Variants in TMEM200A observed in about 807,000 individuals in gnomAD.
TMEM200A encodes the protein transmembrane protein 200A, also known as two transmembrane C.
TMEM200A carries 12 observed loss-of-function variants against 24.3 expected under a neutral mutation model. The ratio of observed to expected loss-of-function variants is 0.49; its 90% CI spans 0.32 to 0.80. TMEM200A has a LOEUF of 0.80. Among genes scored for constraint, TMEM200A ranks in the 30% least tolerant of loss-of-function variants. The probability of loss-of-function intolerance (pLI) is 0.04; values close to 1 mark genes in which losing one functional copy is unlikely to be tolerated. For missense variants in TMEM200A, 545 were observed against 614.4 expected (o/e 0.89, Z 1.19); for synonymous variants, 224 against 224.4 (o/e 1.00, Z 0.02).
intron 2 of TMEM200A, among the ~76,000 whole-genome samples, chr6:130,393,308 A>G (rs1240315032): frequency 6.6e-6 from 1 of 152,220 alleles, no homozygotes; most frequent in African/African-American, 2.4e-5. Context: ...CTTGTAAGGG[A>G]GAAATACCAG....
At chr6:130,395,851 T>C (rs921785500) in intron 2 of TMEM200A, among the ~76,000 whole-genome samples, 1 of 152,224 alleles carries the variant, frequency 6.6e-6, no homozygotes, top group African/African-American at 2.4e-5. Context: ...CTAATAGTAC[T>C]GTGGTCATGT....
intron 2 of TMEM200A, among the ~76,000 whole-genome samples, chr6:130,419,956 T>C (rs540719403): frequency 1.6e-4 from 25 of 152,264 alleles, no homozygotes; most frequent in African/African-American, 5.8e-4. Context: ...AAGGTGGTGC[T>C]ACACATGGTG....
chr6:130,395,289 C>T (rs1778926359), intron 2 of TMEM200A, among the ~76,000 whole-genome samples: 2 of 152,132 alleles, frequency 1.3e-5, no homozygotes, highest in African/African-American at 4.8e-5. Context: ...AGTAGTTTTT[C>T]CCTTTCCCAA....
At chr6:130,374,249 T>G (rs1375009148) in intron 1 of TMEM200A, among the ~76,000 whole-genome samples, 1 of 152,148 alleles carries the variant, frequency 6.6e-6, no homozygotes, top group Non-Finnish European at 1.5e-5. Context: ...TAGGTCCTAG[T>G]AGTCATGGAG....
At chr6:130,436,443 T>C (rs1242284652) in intron 2 of TMEM200A, among the ~76,000 whole-genome samples, 1 of 125,094 alleles carries the variant, frequency 8.0e-6, no homozygotes, top group Non-Finnish European at 1.7e-5. Context: ...AAAACAGTCA[T>C]AAAAGTGTAG....
intron 1 of TMEM200A, among the ~76,000 whole-genome samples, chr6:130,370,137 G>C (rs1315083838): frequency 6.6e-6 from 1 of 151,962 alleles, no homozygotes; most frequent in Non-Finnish European, 1.5e-5. Context: ...CTTCTCTCTG[G>C]GTCAGCTGTA....
intron 2 of TMEM200A, among the ~76,000 whole-genome samples, chr6:130,414,976 A>G (rs1452515252): frequency 6.6e-6 from 1 of 152,176 alleles, no homozygotes; most frequent in Non-Finnish European, 1.5e-5. Context: ...GATATGAAAT[A>G]TAAAGGAAAG....
chr6:130,383,006 G>T lies in TMEM200A; in HGVS notation c.-80-2167G>T, dbSNP rs182692999. ...GGAAGCAAACCATCTCACCCAAGGG[G>T]CTGTGTGAGTTCCTTGAGGCCAGGC... On this transcript the variant is annotated intron_variant, in intron 1 of 2. Transcript: ENST00000296978. 43 of 984,698 alleles carry T rather than the reference G, an allele frequency of 4.4e-5. No individual in the cohort carries two copies. The African/African-American group carries it at 6.8e-4, about 16-fold the overall frequency. The allele number at this position is 984,698 out of a possible 1,614,324, so 61.0% of individuals were successfully genotyped here. A position where few individuals can be genotyped will look rare whatever the true frequency, so the allele number is the denominator to read the frequency against.
At chr6:130,377,939 A>C (rs1778500588) in intron 1 of TMEM200A, among the ~76,000 whole-genome samples, 1 of 152,292 alleles carries the variant, frequency 6.6e-6, no homozygotes, top group East Asian at 1.9e-4. Flanking sequence ...CTGACATTTG[A>C]GCAGAGACCT....
intron 2 of TMEM200A, among the ~76,000 whole-genome samples, chr6:130,411,533 GC>G (rs746060271): frequency 2.0e-5 from 3 of 152,180 alleles, no homozygotes; most frequent in Non-Finnish European, 4.4e-5. Flanking sequence ...TTCCAGTAAT[GC>G]CTTTTATAGC....
At chr6:130,430,277 A>C (rs1365839847) in intron 2 of TMEM200A, among the ~76,000 whole-genome samples, 1 of 152,024 alleles carries the variant, frequency 6.6e-6, no homozygotes, top group Non-Finnish European at 1.5e-5. Flanking sequence ...TAATCCCATC[A>C]TGGACTCTAC....
At chr6:130,423,631 G>A (rs1008634584) in intron 2 of TMEM200A, among the ~76,000 whole-genome samples, 1 of 151,960 alleles carries the variant, frequency 6.6e-6, no homozygotes, top group African/African-American at 2.4e-5. Context: ...ACCTGCTTAG[G>A]TTTAAAAACA....
chr6:130,426,473 C>A (rs1779746780), intron 2 of TMEM200A, among the ~76,000 whole-genome samples: 1 of 142,536 alleles, frequency 7.0e-6, no homozygotes, highest in South Asian at 2.6e-4. Flanking sequence ...CCCCCCCCCT[C>A]AGTTTCCCTT....
At chr6:130,365,890 G>A (rs1778124354), upstream of TMEM200A, 19 of 985,284 alleles carry the variant, frequency 1.9e-5, no homozygotes, top group Non-Finnish European at 1.9e-5. Context: ...CAGGTTTTGG[G>A]GCGGCGGCGA....
chr6:130,382,852 C>A (rs1381974279), intron 1 of TMEM200A: 2 of 172,722 alleles, frequency 1.2e-5, no homozygotes, highest in Non-Finnish European at 2.3e-5. Context: ...TCAAGAACTT[C>A]TTCCATCTTC....
intron 2 of TMEM200A, among the ~76,000 whole-genome samples, chr6:130,397,156 G>A (rs1168638708): frequency 1.3e-5 from 2 of 152,002 alleles, no homozygotes; most frequent in South Asian, 4.1e-4. Flanking sequence ...TTATTGATGG[G>A]CAACTATTAA....
In TMEM200A at chr6:130,443,006, A is replaced by C. The variant is rs1196807546; in HGVS notation, c.*1108A>C. ...TCTTACGGTATAATACATGTTGTTT[A>C]GGATTGTGTTTCTTAGTCACTGAAG... On this transcript the variant is annotated 3_prime_UTR_variant, in exon 3 of 3. Transcript: ENST00000296978. 1.2e-5 allele frequency: 2 copies of C among 166,942 alleles called. No individual in the cohort carries two copies. Among genetic ancestry groups the C allele is most frequent in the Non-Finnish European group, 2.9e-5 (2 of 68,092 alleles). The allele number at this position is 166,942 out of a possible 1,614,324, so 10.3% of individuals were successfully genotyped here. A position where few individuals can be genotyped will look rare whatever the true frequency, so the allele number is the denominator to read the frequency against.
chr6:130,377,339 C>T (rs1182042461), intron 1 of TMEM200A, among the ~76,000 whole-genome samples: 1 of 152,176 alleles, frequency 6.6e-6, no homozygotes, highest in African/African-American at 2.4e-5. Flanking sequence ...GCAGCACATG[C>T]CATCCATCTC....
chr6:130,400,690 C>A (rs1455283089), intron 2 of TMEM200A, among the ~76,000 whole-genome samples: 1 of 151,960 alleles, frequency 6.6e-6, no homozygotes, highest in Admixed American at 6.6e-5. Flanking sequence ...TTTTGTACTT[C>A]ATGGAGAGTT....
Sources: gnomAD v4.1 joint callset for allele counts (sites outside exome capture counted in the v4.1 genomes callset) on GRCh38, gnomAD v4.1.1 for gene constraint, MANE v1.5 for transcripts, NCBI Gene and HGNC (gene_info 2026-07-23, HGNC 2026-07-21) for gene names.